The following SPOCK3 variants were observed in gnomAD, a reference collection of about 807,000 sequenced individuals.
The protein encoded by SPOCK3 is testican-3.
A neutral mutation model predicts 56.6 loss-of-function variants in SPOCK3; 30 were observed. That is an observed-to-expected ratio of 0.53 (90% CI 0.40 to 0.72). SPOCK3 has a LOEUF of 0.72. Among genes scored for constraint, SPOCK3 ranks in the 30% least tolerant of loss-of-function variants. The pLI, the probability that SPOCK3 is intolerant of heterozygous loss-of-function variation, is 0.00. For synonymous variants in SPOCK3, 196 were observed against 183.3 expected (o/e 1.07, Z -0.56); for missense variants, 527 against 530.0 (o/e 0.99, Z 0.06).
chr4:166,982,239 C>T (rs1200516275), intron 4 of SPOCK3, among the ~76,000 whole-genome samples: 9 of 152,208 alleles, frequency 5.9e-5, no homozygotes, highest in East Asian at 3.9e-4. Flanking sequence ...GGGCTGCTGC[C>T]GCCATCAGTG....
upstream of SPOCK3, chr4:167,234,551 A>G: frequency 3.8e-6 from 1 of 263,962 alleles, no homozygotes; most frequent in Non-Finnish European, 7.3e-6. Flanking sequence ...CGCCGTCTCG[A>G]GCCGTCCACT....
intron 6 of SPOCK3, among the ~76,000 whole-genome samples, chr4:166,812,597 G>A (rs1241709797): frequency 6.6e-6 from 1 of 151,678 alleles, no homozygotes. Flanking sequence ...GAATGATATT[G>A]GATAACTTTT....
intron 2 of SPOCK3, among the ~76,000 whole-genome samples, chr4:167,186,075 G>A (rs1731925945): frequency 6.6e-6 from 1 of 152,096 alleles, no homozygotes; most frequent in Non-Finnish European, 1.5e-5. Context: ...GGACAGAGAT[G>A]GAAGAATAAT....
rs1554038270 is a variant in SPOCK3, at chr4:167,112,848, T to TAA, written c.190-50313_190-50312dup. ...GACTCTGTTCAAAAGTGCTCTTTTT[T>TAA]AAAAAAAAAAATCATATATATTAGA... On this transcript the variant is annotated intron_variant, in intron 2 of 10. Coordinates refer to ENST00000357545, the MANE Select transcript of SPOCK3 (RefSeq NM_001040159.2). Among the ~76,000 whole-genome samples, 103 of 149,590 alleles carry TAA rather than the reference T, an allele frequency of 6.9e-4. 1 individual carries two copies. Among genetic ancestry groups the TAA allele is most frequent in the South Asian group, 8.5e-4 (4 of 4,720 alleles).
chr4:166,858,876 C>T (rs1730954426), intron 6 of SPOCK3, among the ~76,000 whole-genome samples: 1 of 152,126 alleles, frequency 6.6e-6, no homozygotes, highest in Non-Finnish European at 1.5e-5. Flanking sequence ...CACACTCACA[C>T]AATTTGCTAT....
chr4:166,898,826 G>T (rs1014479531), intron 5 of SPOCK3, among the ~76,000 whole-genome samples: 8 of 152,084 alleles, frequency 5.3e-5, no homozygotes, highest in Non-Finnish European at 1.0e-4. Context: ...ATCTGAATGG[G>T]CTAAGGGATA....
Position 166,849,652 on chromosome 4 carries a change from G to A in SPOCK3, c.589+39478C>T, listed in dbSNP as rs952876874. ...CATCATTTTTTATGCACACATTTCT[G>A]TAGAATTAAGTACATTCACATTGTT... On this transcript the variant is annotated intron_variant, in intron 6 of 10. Coordinates refer to ENST00000357545, the MANE Select transcript of SPOCK3 (RefSeq NM_001040159.2). Among the ~76,000 whole-genome samples the A allele has an allele frequency of 5.9e-5, 9 of 152,084 alleles. 1 individual carries two copies. Among genetic ancestry groups the A allele is most frequent in the Admixed American group, 5.9e-4 (9 of 15,260 alleles).
At chr4:167,014,107 G>A (rs914723259) in intron 3 of SPOCK3, among the ~76,000 whole-genome samples, 7 of 152,000 alleles carry the variant, frequency 4.6e-5, no homozygotes, top group Non-Finnish European at 4.4e-5. Flanking sequence ...CTCTTGTAAC[G>A]TGCCCTGCAC....
chr4:167,042,293 T>A (rs1192558422), intron 3 of SPOCK3, among the ~76,000 whole-genome samples: 2 of 152,212 alleles, frequency 1.3e-5, no homozygotes, highest in Non-Finnish European at 2.9e-5. Flanking sequence ...TCCTTGGATG[T>A]GGAACCTATG....
chr4:166,941,683 A>G (rs1741083978), intron 4 of SPOCK3, among the ~76,000 whole-genome samples: 1 of 152,176 alleles, frequency 6.6e-6, no homozygotes, highest in Non-Finnish European at 1.5e-5. Context: ...TGATTAGGTT[A>G]CAAGAAGACT....
chr4:167,190,283 C>A (rs545437198), intron 2 of SPOCK3, among the ~76,000 whole-genome samples: 1 of 145,764 alleles, frequency 6.9e-6, no homozygotes, highest in African/African-American at 2.6e-5. Flanking sequence ...CAACATTCAT[C>A]TCTGATCTTT....
chr4:166,912,508 T>C, intron 5 of SPOCK3, 112 bp downstream of exon 5: 1 of 1,063,300 alleles, frequency 9.4e-7, no homozygotes, highest in Non-Finnish European at 1.4e-6. Flanking sequence ...TAATTTATTT[T>C]ATAAGTTAAA....
chr4:167,056,656 C>T (rs1294037401), intron 3 of SPOCK3, among the ~76,000 whole-genome samples: 4 of 152,022 alleles, frequency 2.6e-5, no homozygotes, highest in African/African-American at 4.8e-5. Context: ...CCTCAGGAGC[C>T]AATGCGATCA....
At chr4:167,226,305 T>C (rs1471277590) in intron 2 of SPOCK3, among the ~76,000 whole-genome samples, 1 of 152,066 alleles carries the variant, frequency 6.6e-6, no homozygotes, top group African/African-American at 2.4e-5. Flanking sequence ...AACTCCTACA[T>C]CTAGAACAGT....
At chr4:166,877,047 T>TA (rs1244618370) in intron 6 of SPOCK3, among the ~76,000 whole-genome samples, 1 of 152,086 alleles carries the variant, frequency 6.6e-6, no homozygotes, top group Non-Finnish European at 1.5e-5. Context: ...ACATCAAAGT[T>TA]ACAATAGAAA....
intron 2 of SPOCK3, among the ~76,000 whole-genome samples, chr4:167,143,212 A>T (rs1469685238): frequency 6.6e-6 from 1 of 151,682 alleles, no homozygotes; most frequent in Non-Finnish European, 1.5e-5. Flanking sequence ...TGTCCAATAG[A>T]CCACACATCC....
chr4:166,900,242 T>A (rs555719814), intron 5 of SPOCK3, among the ~76,000 whole-genome samples: 2 of 152,334 alleles, frequency 1.3e-5, no homozygotes, highest in Admixed American at 6.5e-5. Context: ...AACAGTGCAC[T>A]TTTTATCACC....
chr4:167,056,422 C>A (rs978176276), intron 3 of SPOCK3, among the ~76,000 whole-genome samples: 7 of 152,182 alleles, frequency 4.6e-5, no homozygotes, highest in Non-Finnish European at 7.3e-5. Context: ...AGCAATGGAA[C>A]AAAGCTGGAT....
intron 2 of SPOCK3, among the ~76,000 whole-genome samples, chr4:167,160,521 C>T (rs542032973): frequency 7.9e-5 from 12 of 152,042 alleles, no homozygotes; most frequent in Non-Finnish European, 1.6e-4. Context: ...TGACTTTCTT[C>T]ACAGAATTGG....
Sources: gnomAD v4.1 joint callset for allele counts (sites outside exome capture counted in the v4.1 genomes callset) on GRCh38, gnomAD v4.1.1 for gene constraint, MANE v1.5 for transcripts, NCBI Gene and HGNC (gene_info 2026-07-23, HGNC 2026-07-21) for gene names.